Variants in ERI1 observed in about 807,000 individuals in gnomAD.
The protein encoded by ERI1 is exoribonuclease 1.
A neutral mutation model predicts 39.7 loss-of-function variants in ERI1; 39 were observed. The ratio of observed to expected loss-of-function variants is 0.98; its 90% CI spans 0.76 to 1.28. The LOEUF (loss-of-function observed/expected upper bound fraction) is 1.28, where lower values mean the gene tolerates loss of function less well. Among genes scored for constraint, ERI1 ranks in the 50% most tolerant of loss-of-function variants. The pLI is 0.00. For synonymous variants in ERI1, 204 were observed against 149.6 expected (o/e 1.36, Z -2.65); for missense variants, 581 against 416.9 (o/e 1.39, Z -3.43).
intron 6 of ERI1, among the ~76,000 whole-genome samples, chr8:9,026,334 C>T (rs972467946): frequency 1.3e-5 from 2 of 152,138 alleles, no homozygotes; most frequent in African/African-American, 4.8e-5. Flanking sequence ...CAACCATCAC[C>T]ACATCATTCT....
chr8:9,078,450 C>T (rs1307552144), intron 3 of ERI1, among the ~76,000 whole-genome samples: 1 of 152,076 alleles, frequency 6.6e-6, no homozygotes, highest in Non-Finnish European at 1.5e-5. Context: ...TAACCATAAC[C>T]ATAGAGCTAA....
intron 3 of ERI1, among the ~76,000 whole-genome samples, chr8:9,039,901 T>G (rs1797962740): frequency 6.6e-6 from 1 of 152,216 alleles, no homozygotes; most frequent in Non-Finnish European, 1.5e-5. Context: ...GTTTTTTTCA[T>G]TTTTTGTGAG....
chr8:9,022,087 G>C (rs1249178395), intron 6 of ERI1, among the ~76,000 whole-genome samples: 2 of 151,786 alleles, frequency 1.3e-5, no homozygotes, highest in Non-Finnish European at 2.9e-5. Flanking sequence ...TTTTCCAATG[G>C]AATTGTACCA....
chr8:9,098,154 T>A (rs1585309264), intron 3 of ERI1, among the ~76,000 whole-genome samples: 1 of 151,686 alleles, frequency 6.6e-6, no homozygotes, highest in East Asian at 1.9e-4. Flanking sequence ...GAGGCTGGGG[T>A]GGGCTGATCA....
intron 3 of ERI1, among the ~76,000 whole-genome samples, chr8:9,039,994 C>T (rs759752739): frequency 2.1e-4 from 32 of 152,110 alleles, no homozygotes; most frequent in African/African-American, 7.5e-4. Flanking sequence ...TTAAAATATT[C>T]AGCATCACTA....
chr8:9,023,317 A>T (rs1440806920), intron 6 of ERI1, among the ~76,000 whole-genome samples: 3 of 151,854 alleles, frequency 2.0e-5, no homozygotes, highest in Non-Finnish European at 2.9e-5. Flanking sequence ...TTTGTATTTC[A>T]TGTCAGTTTA....
downstream of ERI1, among the ~76,000 whole-genome samples, chr8:9,034,568 C>T (rs527536894): frequency 3.3e-5 from 5 of 152,190 alleles, no homozygotes; most frequent in South Asian, 1.0e-3. Context: ...TGGGGCACCA[C>T]AGACCACACC....
intron 3 of ERI1, among the ~76,000 whole-genome samples, chr8:9,069,181 A>G (rs10081498): frequency 0.039 from 6,013 of 152,286 alleles, 389 homozygotes; most frequent in African/African-American, 0.13. Context: ...ATCTTGATCC[A>G]TATTCTCAGA....
chr8:9,003,991 C>T (rs1228226342), intron 1 of ERI1: 2 of 939,702 alleles, frequency 2.1e-6, no homozygotes, highest in Non-Finnish European at 3.0e-6. Flanking sequence ...TCCTGAGTCA[C>T]TTCCATTTGC....
chr8:9,008,784 A>G (rs753283500), intron 2 of ERI1, among the ~76,000 whole-genome samples: 3 of 152,216 alleles, frequency 2.0e-5, no homozygotes, highest in Non-Finnish European at 4.4e-5. Flanking sequence ...CCAGAAAAAT[A>G]CATCGATTTT....
chr8:9,048,756 C>A (rs1283236710), intron 3 of ERI1, among the ~76,000 whole-genome samples: 1 of 152,162 alleles, frequency 6.6e-6, no homozygotes, highest in African/African-American at 2.4e-5. Context: ...GTGATCCTCC[C>A]ACCTCAGCTT....
chr8:9,039,783 T>A (rs1411774063), intron 3 of ERI1, among the ~76,000 whole-genome samples: 1 of 152,220 alleles, frequency 6.6e-6, no homozygotes, highest in Non-Finnish European at 1.5e-5. Flanking sequence ...ATCTAGAACC[T>A]AATTTATTTT....
chr8:9,086,416 G>A (rs1301959502), intron 3 of ERI1, among the ~76,000 whole-genome samples: 1 of 152,146 alleles, frequency 6.6e-6, no homozygotes, highest in Non-Finnish European at 1.5e-5. Context: ...TGGGTGTGGT[G>A]ATGTGCACAT....
At chr8:9,094,447 C>G (rs1472322177) in intron 3 of ERI1, among the ~76,000 whole-genome samples, 2 of 152,148 alleles carry the variant, frequency 1.3e-5, no homozygotes, top group Non-Finnish European at 2.9e-5. Flanking sequence ...ATCCACGTAC[C>G]TCTTTGATGA....
intron 3 of ERI1, among the ~76,000 whole-genome samples, chr8:9,074,982 G>T (rs1229065612): frequency 6.6e-6 from 1 of 152,048 alleles, no homozygotes; most frequent in Non-Finnish European, 1.5e-5. Context: ...CGGGCACCAC[G>T]TGTTTACTTG....
chr8:9,060,131 G>A (rs1255325113), intron 3 of ERI1, among the ~76,000 whole-genome samples: 1 of 152,176 alleles, frequency 6.6e-6, no homozygotes, highest in Non-Finnish European at 1.5e-5. Context: ...AGGATGGTAA[G>A]GGGTACGAAG....
intron 3 of ERI1, among the ~76,000 whole-genome samples, chr8:9,077,559 G>A (rs2117442887): frequency 6.6e-6 from 1 of 152,282 alleles, no homozygotes; most frequent in South Asian, 2.1e-4. Flanking sequence ...ATGAGATGTG[G>A]GAGACAGAGG....
chr8:9,039,545 A>C (rs1239871082), intron 3 of ERI1, among the ~76,000 whole-genome samples: 10 of 152,178 alleles, frequency 6.6e-5, no homozygotes, highest in Admixed American at 5.2e-4. Context: ...TTAACTTATA[A>C]CAAGTCGCAG....
intron 3 of ERI1, among the ~76,000 whole-genome samples, chr8:9,072,668 T>G (rs1799089728): frequency 1.3e-5 from 2 of 152,176 alleles, no homozygotes; most frequent in African/African-American, 2.4e-5. Context: ...ATCAGCCCTT[T>G]GATTTAAATC....
Sources: allele counts gnomAD v4.1 joint callset (sites outside exome capture counted in the v4.1 genomes callset), GRCh38; gene constraint gnomAD v4.1.1; transcripts MANE v1.5; gene names NCBI Gene and HGNC (gene_info 2026-07-23, HGNC 2026-07-21).